The following SET variants were observed in gnomAD, a reference collection of about 807,000 sequenced individuals.
SET encodes the protein protein SET.
In SET, 4 loss-of-function variants were observed where a neutral mutation model predicts 39.0. The ratio of observed to expected loss-of-function variants is 0.10; its 90% CI spans 0.05 to 0.23. The LOEUF is 0.23. SET is among the 10% of genes least tolerant of loss of function. SET has a pLI of 1.00. For missense variants in SET, 137 were observed against 329.7 expected, an observed-to-expected ratio of 0.42 and a Z score of 4.53; for synonymous variants, 114 against 115.9, an observed-to-expected ratio of 0.98 and a Z score of 0.11.
chr9:128,693,885 T>G lies in SET; in HGVS notation c.664-11T>G. 1 of 1,597,332 alleles carries G rather than the reference T, an allele frequency of 6.3e-7. No individual in the cohort carries two copies. Among genetic ancestry groups the G allele is most frequent in the Admixed American group, 1.8e-5 (1 of 55,476 alleles). On this transcript the variant is annotated splice_polypyrimidine_tract_variant and intron_variant, in intron 6 of 7. Transcript: ENST00000322030. ...AAATGAGTCCTTATATTGTGCTTTT[T>G]TTTTTTTAAGGTTCCCGATATGGAT...
At position 128,694,758 on chromosome 9, in the gene SET, T is replaced by G. The variant is rs770267607; in HGVS notation, c.*94T>G. 5.5e-6 allele frequency: 3 copies of G among 542,134 alleles called. No homozygotes were observed. The highest frequency in any genetic ancestry group is 9.2e-6 in the Non-Finnish European group (3 of 327,154). 33.6% of individuals were successfully genotyped at this position (542,134 alleles called of 1,614,324 possible). On this transcript the variant is annotated 3_prime_UTR_variant, in exon 8 of 8. Coordinates refer to ENST00000322030, the MANE Select transcript of SET (RefSeq NM_003011.4). ...TCTTTTTTTTTTTTTTTTTTTTTTTTCCCTCTTGTGCTCAGTCGCCCTGTT... is the reference window on the plus strand; with the variant it reads ...TCTTTTTTTTTTTTTTTTTTTTTTTGCCCTCTTGTGCTCAGTCGCCCTGTT...
chr9:128,692,418 A>AAC (rs1428865331), intron 3 of SET: 2 of 261,516 alleles, frequency 7.6e-6, no homozygotes, highest in Non-Finnish European at 1.5e-5. Context: ...AAAAAAAAAA[A>AAC]AAAACCTCAA....
intron 3 of SET, 122 bp from the exon 4 acceptor site, chr9:128,692,540 A>G: frequency 1.5e-6 from 1 of 664,854 alleles, no homozygotes; most frequent in Admixed American, 2.5e-5. Flanking sequence ...GCCTTTAGTT[A>G]ATAATGGGTT....
Position 128,696,008 on chromosome 9 carries a change from T to C in SET, c.*1344T>C, listed in dbSNP as rs1243400434. 1 of 226,062 alleles carries C rather than the reference T, an allele frequency of 4.4e-6. No homozygotes were observed. The highest frequency in any genetic ancestry group is 8.9e-6 in the Non-Finnish European group (1 of 112,994). 14.0% of individuals were successfully genotyped at this position (226,062 alleles called of 1,614,324 possible). A position where few individuals can be genotyped will look rare whatever the true frequency, so the allele number is the denominator to read the frequency against. On this transcript the variant is annotated 3_prime_UTR_variant, in exon 8 of 8. Transcript: ENST00000322030. ...AGGCTCTCAGTAAGAAGTCTGATGG[T>C]GAGCAGTAACTGTCCCTGCTTTCTG...
chr9:128,684,958 T>C, upstream of SET: 11 of 1,285,342 alleles, frequency 8.6e-6, no homozygotes, highest in Non-Finnish European at 1.0e-5. Flanking sequence ...TTGACTGTTC[T>C]GGTGACTAGG....
upstream of SET, chr9:128,685,304 C>G (rs934631691): frequency 2.8e-6 from 3 of 1,067,592 alleles, no homozygotes; most frequent in African/African-American, 4.7e-5. Context: ...AGTCTGAAAT[C>G]TAAGGGGAGC....
intron 2 of SET, 105 bp downstream of exon 2, chr9:128,691,332 TG>T: frequency 1.3e-6 from 1 of 742,860 alleles, no homozygotes; most frequent in Non-Finnish European, 2.3e-6. Flanking sequence ...AAAGGGGAAA[TG>T]ATTCTAACTT....
At chr9:128,687,974 T>A (rs1486797340), upstream of SET, among the ~76,000 whole-genome samples, 1 of 152,152 alleles carries the variant, frequency 6.6e-6, no homozygotes. Flanking sequence ...CCCAGCACTT[T>A]GGGAGGACGA....
rs757970702 is a variant in SET, at chr9:128,694,077, CTT to C, written c.810+38_810+39del. ...AATTTGGCTAAACCCACAAAGATAA[CTT>C]TTAAAGAATTCATGTTATTTTGGGG... On this transcript the variant is annotated intron_variant, in intron 7 of 7. Coordinates refer to ENST00000322030, the MANE Select transcript of SET (RefSeq NM_003011.4). 8.2e-6 allele frequency: 12 copies of C among 1,455,132 alleles called. No homozygotes were observed. The African/African-American group carries it at 1.3e-4, about 16-fold the overall frequency. The allele number at this position is 1,455,132 out of a possible 1,614,324, so 90.1% of individuals were successfully genotyped here.
upstream of SET, among the ~76,000 whole-genome samples, chr9:128,688,793 C>T (rs1424007210): frequency 6.6e-6 from 1 of 152,212 alleles, no homozygotes; most frequent in African/African-American, 2.4e-5. Flanking sequence ...CCCCTGCTTT[C>T]TCCACGAAGT....
Position 128,689,669 on chromosome 9 carries a change from G to A in SET, c.73+14G>A. On this transcript the variant is annotated intron_variant, in intron 1 of 7. Coordinates refer to ENST00000322030, the MANE Select transcript of SET (RefSeq NM_003011.4). ...ACGAGACCTCAGGTGAGAGCAGCGA[G>A]CCCGGGGGCCGGCCCGCGCCGCCAT... is the stretch of plus-strand genomic sequence containing the variant. The A allele has an allele frequency of 9.9e-7, 1 of 1,011,516 alleles. No homozygotes were observed. Among genetic ancestry groups the A allele is most frequent in the South Asian group, 3.1e-5 (1 of 32,452 alleles). The allele number at this position is 1,011,516 out of a possible 1,614,324, so 62.7% of individuals were successfully genotyped here.
rs1861409171 is a variant in SET, at chr9:128,689,339, C to T, written c.-244C>T. The T allele has an allele frequency of 8.6e-6, 9 of 1,049,004 alleles. No individual in the cohort carries two copies. The South Asian group carries it at 2.2e-4, about 26-fold the overall frequency. 65.0% of individuals were successfully genotyped at this position (1,049,004 alleles called of 1,614,324 possible). ...CGCCCGCCGCCGCCGCCTCCGCCTC[C>T]CCTCCGCGAACAGGAGCCCGGGCCG... On this transcript the variant is annotated 5_prime_UTR_variant, in exon 1 of 8. Transcript: ENST00000322030.
chr9:128,684,425 C>G (rs957848265), upstream of SET, among the ~76,000 whole-genome samples: 4 of 152,152 alleles, frequency 2.6e-5, no homozygotes, highest in African/African-American at 9.7e-5. Context: ...CGGCGGCCCA[C>G]AACTCTGGCC....
Position 128,693,965 on chromosome 9 carries a change from T to G in SET, c.733T>G (p.Leu245Val). The stretch of plus-strand genomic sequence containing the variant: ...TGATGATGATGAAGAGGAGGAAGGA[T>G]TAGAAGATATTGACGAAGAAGGGGA... ...DDDDDEEEEG[L>V]EDIDEEGDED... The change falls in exon 7 of 8, where the codon TTA becomes GTA. Residue 245 changes from leucine to valine, a missense_variant. Around this residue, in one of 3 missense-constraint regions of SET, gnomAD observed 44 missense variants for 63.0 expected, o/e 0.70. Transcript: ENST00000322030. The G allele has an allele frequency of 6.5e-7, 1 of 1,545,210 alleles. No homozygotes were observed. Among genetic ancestry groups the G allele is most frequent in the Middle Eastern group, 1.7e-4 (1 of 5,914 alleles).
At position 128,693,132 on chromosome 9, in the gene SET, A is replaced by G. The variant is rs1270422745; in HGVS notation, c.492+151A>G. ...CCAGTGTGCTGAAGCCAAGTATTAC[A>G]GTAGTTTAGGGTTCTCATTAGATAC... On this transcript the variant is annotated intron_variant, in intron 5 of 7. Coordinates refer to ENST00000322030, the MANE Select transcript of SET (RefSeq NM_003011.4). The G allele has an allele frequency of 1.8e-5, 11 of 624,764 alleles. No homozygotes were observed. The East Asian group carries it at 2.5e-4, about 14-fold the overall frequency. 38.7% of individuals were successfully genotyped at this position (624,764 alleles called of 1,614,324 possible).
intron 7 of SET, 66 bp downstream of exon 7, chr9:128,694,108 A>ATG (rs1050406967): frequency 2.0e-6 from 2 of 984,484 alleles, no homozygotes; most frequent in Admixed American, 3.6e-5. Context: ...TTTGGGGTGT[A>ATG]TATATATATA....
rs35778650 is a variant in SET at position 128,694,734 on chromosome 9, CTTTTTTTTTTTTTT to C, written c.*81_*94del. On this transcript the variant is annotated 3_prime_UTR_variant, in exon 8 of 8. Transcript: ENST00000322030. ...CCAGTCCCTGGGAGCAAGTTGCAGT[CTTTTTTTTTTTTTT>C]TTTTTTTTTTCCCTCTTGTGCTCAG... 8.6e-5 allele frequency: 26 copies of C among 304,054 alleles called. No homozygotes were observed. In the South Asian group the frequency reaches 1.1e-3, roughly 13 times the overall value. 18.8% of individuals were successfully genotyped at this position (304,054 alleles called of 1,614,324 possible). A position where few individuals can be genotyped will look rare whatever the true frequency, so the allele number is the denominator to read the frequency against.
In SET at chr9:128,691,187, G is replaced by A. The variant is rs1861522481; in HGVS notation, c.91G>A (p.Ala31Thr). Reference sequence around the variant, plus strand: ...TTTTGCAGAAAAAGAACAGCAAGAAGCGATTGAACACATTGATGAAGTACA... The same window carrying A: ...TTTTGCAGAAAAAGAACAGCAAGAAACGATTGAACACATTGATGAAGTACA... ...DETSEKEQQEAIEHIDEVQNE... is the reference protein window; with the variant it reads ...DETSEKEQQETIEHIDEVQNE... Residue 31 changes from alanine (A) to threonine (T), a missense_variant, in exon 2 of 8, where the codon GCG becomes ACG. By Grantham distance (58) the Ala-to-Thr change is moderately conservative. Around this residue, in one of 3 missense-constraint regions of SET, gnomAD observed 59 missense variants for 237.2 expected, o/e 0.25. Coordinates refer to ENST00000322030, the MANE Select transcript of SET (RefSeq NM_003011.4). The A allele has an allele frequency of 6.2e-7, 1 of 1,605,766 alleles. No individual in the cohort carries two copies. Among genetic ancestry groups the A allele is most frequent in the Non-Finnish European group, 8.5e-7 (1 of 1,177,492 alleles).
At chr9:128,689,063 C>T (rs932078780), upstream of SET, among the ~76,000 whole-genome samples, 1 of 150,070 alleles carries the variant, frequency 6.7e-6, no homozygotes, top group Non-Finnish European at 1.5e-5. Context: ...CGTGCGTCGC[C>T]GCGCGCCTTC....
Sources: gnomAD v4.1 joint callset for allele counts (sites outside exome capture counted in the v4.1 genomes callset) on GRCh38, gnomAD v4.1.1 for gene constraint, gnomAD v4.1.1 regional missense constraint, MANE v1.5 for transcripts, NCBI Gene and HGNC (gene_info 2026-07-23, HGNC 2026-07-21) for gene names.